SENP7: variants seen among roughly 807,000 people sequenced by gnomAD.
SENP7 encodes the protein SUMO specific peptidase 7.
A neutral mutation model predicts 141.2 loss-of-function variants in SENP7; 64 were observed. That is an observed-to-expected ratio of 0.45 (90% CI 0.37 to 0.56). The LOEUF (loss-of-function observed/expected upper bound fraction) is 0.56. Among genes scored for constraint, SENP7 ranks in the 20% least tolerant of loss-of-function variants. The pLI is 0.00. For missense variants in SENP7, 1,025 were observed against 1,212.2 expected (o/e 0.85, Z 2.29); for synonymous variants, 382 against 426.4 (o/e 0.90, Z 1.28).
At chr3:101,372,540 A>C (rs887619925) in intron 6 of SENP7, among the ~76,000 whole-genome samples, 7 of 152,156 alleles carry the variant, frequency 4.6e-5, no homozygotes, top group South Asian at 2.1e-4. Context: ...ATATACCAAA[A>C]GTATGGTAAC....
chr3:101,454,427 G>A (rs561274871), intron 4 of SENP7, among the ~76,000 whole-genome samples: 24 of 152,108 alleles, frequency 1.6e-4, no homozygotes, highest in African/African-American at 5.8e-4. Flanking sequence ...CGGGAGGATC[G>A]CTTGAGCCTG....
rs1335298559 is a variant in SENP7 at position 101,397,772 on chromosome 3, GA to G, written c.677+1088del. 3.9e-5 allele frequency among the ~76,000 whole-genome samples: 6 copies of G among 151,984 alleles called. No homozygotes were observed. In the South Asian group the frequency reaches 6.2e-4, roughly 16 times the overall value. On this transcript the variant is annotated intron_variant, in intron 6 of 23. Transcript: ENST00000394095. ...AAGTTAGCTTTGGATAGTTTGGGGG[GA>G]AAAAAATTAGGATAATCAACTTTTC...
intron 13 of SENP7, among the ~76,000 whole-genome samples, chr3:101,346,575 C>T (rs1369748060): frequency 6.6e-6 from 1 of 152,078 alleles, no homozygotes; most frequent in East Asian, 1.9e-4. Flanking sequence ...ACTACTCAGC[C>T]ATAAAAAGGA....
At chr3:101,406,478 A>ATG in intron 5 of SENP7, among the ~76,000 whole-genome samples, 1 of 152,156 alleles carries the variant, frequency 6.6e-6, no homozygotes, top group East Asian at 1.9e-4. Flanking sequence ...GATATATCTA[A>ATG]TGTAAATGAC....
chr3:101,383,967 G>A (rs750935147), intron 6 of SENP7, among the ~76,000 whole-genome samples: 3 of 152,220 alleles, frequency 2.0e-5, no homozygotes, highest in Admixed American at 6.5e-5. Flanking sequence ...GCTGAGCCAT[G>A]GCTGCCTATG....
chr3:101,343,954 G>A lies in SENP7; in HGVS notation c.1838C>T (p.Ser613Leu). 6.5e-7 allele frequency: 1 copy of A among 1,538,620 alleles called. No individual in the cohort carries two copies. Among genetic ancestry groups the A allele is most frequent in the South Asian group, 1.2e-5 (1 of 80,212 alleles). The change falls in exon 14 of 24, where the codon TCA becomes TTA. Residue 613 changes from serine to leucine, a missense_variant and splice_region_variant. Physicochemically the swap from Ser to Leu is moderately radical, Grantham distance 145. Transcript: ENST00000394095. Reference sequence around the variant, plus strand: ...AAGGAAAATGAATTCACTAGATTTTGCTACAAAAGGAAAAAATAATTTGTA... The same window carrying A: ...AAGGAAAATGAATTCACTAGATTTTACTACAAAAGGAAAAAATAATTTGTA... ...QLEHSVLSQQ[S>L]KSSEFIFLEL...
chr3:101,332,384 T>C (rs559452840), intron 18 of SENP7, among the ~76,000 whole-genome samples: 7 of 152,278 alleles, frequency 4.6e-5, no homozygotes, highest in Non-Finnish European at 7.4e-5. Context: ...CCTTAATAAA[T>C]AGACTCATAG....
At chr3:101,436,740 C>T (rs2062403019) in intron 4 of SENP7, among the ~76,000 whole-genome samples, 1 of 152,126 alleles carries the variant, frequency 6.6e-6, no homozygotes, top group Non-Finnish European at 1.5e-5. Flanking sequence ...TCATCTCACC[C>T]CAGTTAAAAT....
At chr3:101,496,154 G>A (rs2065150972) in intron 2 of SENP7, among the ~76,000 whole-genome samples, 1 of 152,138 alleles carries the variant, frequency 6.6e-6, no homozygotes, top group Non-Finnish European at 1.5e-5. Context: ...ATTAATTCTG[G>A]TTGTGTCTGG....
chr3:101,340,132 C>G lies in SENP7; in HGVS notation c.2320G>C (p.Glu774Gln). The G allele has an allele frequency of 6.3e-7, 1 of 1,598,344 alleles. No individual in the cohort carries two copies. ...TCAATGATTACATCATTAAGAAACT[C>G]TCCTTCTTCTAAACACTCCAGATCT... ...NEDLECLEEG[E>Q]FLNDVIIDFY... The change falls in exon 16 of 24, where the codon GAG becomes CAG. Residue 774 changes from glutamate to glutamine, a missense_variant. Around this residue, in one of 4 missense-constraint regions of SENP7, gnomAD observed 295 missense variants for 459.1 expected, o/e 0.64. Transcript: ENST00000394095.
chr3:101,363,208 A>C (rs1229447811), intron 10 of SENP7: 1 of 700,586 alleles, frequency 1.4e-6, no homozygotes, highest in African/African-American at 1.9e-5. Context: ...CCCTAAGTAA[A>C]AAAGGGAATC....
intron 3 of SENP7, among the ~76,000 whole-genome samples, chr3:101,477,124 T>C (rs1376794070): frequency 1.3e-5 from 2 of 152,184 alleles, no homozygotes; most frequent in East Asian, 1.9e-4. Context: ...TTTGTCAATT[T>C]TGGCTTTTGT....
At chr3:101,498,925 T>C (rs2065262817) in intron 2 of SENP7, among the ~76,000 whole-genome samples, 1 of 152,294 alleles carries the variant, frequency 6.6e-6, no homozygotes, top group South Asian at 2.1e-4. Flanking sequence ...CGAAACCATC[T>C]TCCCGACCCC....
intron 6 of SENP7, among the ~76,000 whole-genome samples, chr3:101,378,812 AT>A (rs2060412929): frequency 6.6e-6 from 1 of 152,176 alleles, no homozygotes; most frequent in South Asian, 2.1e-4. Flanking sequence ...CCAGAAAAAA[AT>A]AAGCCCTTAA....
chr3:101,406,548 G>A (rs1055558362), intron 5 of SENP7, among the ~76,000 whole-genome samples: 21 of 151,248 alleles, frequency 1.4e-4, no homozygotes, highest in East Asian at 5.8e-4. Context: ...AAACCTGCAC[G>A]TGTGCACATG....
chr3:101,458,246 A>C (rs2063424024), intron 4 of SENP7, among the ~76,000 whole-genome samples: 1 of 152,206 alleles, frequency 6.6e-6, no homozygotes, highest in Non-Finnish European at 1.5e-5. Context: ...AGTTTATAGA[A>C]GTACTTTGAC....
intron 3 of SENP7, among the ~76,000 whole-genome samples, chr3:101,483,244 C>A: frequency 6.6e-6 from 1 of 152,104 alleles, no homozygotes; most frequent in East Asian, 1.9e-4. Flanking sequence ...ACATACACAC[C>A]ATGGAATGCT....
chr3:101,453,477 C>T (rs1334536814), intron 4 of SENP7, among the ~76,000 whole-genome samples: 1 of 152,116 alleles, frequency 6.6e-6, no homozygotes, highest in Admixed American at 6.5e-5. Flanking sequence ...AAATGTCCAA[C>T]AATGGTAGAC....
intron 6 of SENP7, among the ~76,000 whole-genome samples, chr3:101,383,361 G>A (rs1044916451): frequency 5.3e-5 from 8 of 152,190 alleles, no homozygotes; most frequent in African/African-American, 7.2e-5. Context: ...AGGCACAGCC[G>A]GGACTGCAAA....
Sources: allele counts gnomAD v4.1 joint callset (sites outside exome capture counted in the v4.1 genomes callset), GRCh38; gene constraint gnomAD v4.1.1; regional missense constraint gnomAD v4.1.1; transcripts MANE v1.5; gene names NCBI Gene and HGNC (gene_info 2026-07-23, HGNC 2026-07-21).